The following MBNL2 variants were observed in gnomAD, a reference collection of about 807,000 sequenced individuals.
The protein encoded by MBNL2 is muscleblind-like protein 2.
Under a neutral mutation model 41.9 loss-of-function variants are expected in MBNL2, and 17 were observed. The ratio of observed to expected loss-of-function variants is 0.41; its 90% confidence interval spans 0.28 to 0.61. The LOEUF (loss-of-function observed/expected upper bound fraction) is 0.61. MBNL2 is among the 20% of genes least tolerant of loss of function. The pLI is 0.35. For missense variants in MBNL2, 336 were observed against 505.6 expected, an observed-to-expected ratio of 0.66 and a Z score of 3.22; for synonymous variants, 195 against 182.9, an observed-to-expected ratio of 1.07 and a Z score of -0.53.
At chr13:97,369,270 C>T (rs1321599687) in intron 8 of MBNL2, among the ~76,000 whole-genome samples, 3 of 152,082 alleles carry the variant, frequency 2.0e-5, no homozygotes, top group African/African-American at 4.8e-5. Context: ...ATCATACCCA[C>T]GTGGATTATG....
At chr13:97,313,441 A>C (rs750667314) in intron 2 of MBNL2, among the ~76,000 whole-genome samples, 17 of 152,198 alleles carry the variant, frequency 1.1e-4, no homozygotes, top group African/African-American at 4.1e-4. Flanking sequence ...CATCCCATCA[A>C]ATTTTTTAAA....
chr13:97,195,231 T>C, the MBNL2 span, among the ~76,000 whole-genome samples: 29 of 152,186 alleles, frequency 1.9e-4, no homozygotes, highest in African/African-American at 7.0e-4. Context: ...CTTCTGCCTG[T>C]GCCTTGTTCT....
rs766271490 is a variant in MBNL2, at chr13:97,391,490, A to G, written c.*41A>G. On this transcript the variant is annotated 3_prime_UTR_variant, in exon 9 of 9. Coordinates refer to ENST00000679496, the MANE Select transcript of MBNL2 (RefSeq NM_001382683.1). The stretch of plus-strand genomic sequence containing the variant: ...TTCTGGACAGACCACAACTCTAAGA[A>G]GCTAGTGCTGCTATCTCATATATGA... 5.9e-6 allele frequency: 5 copies of G among 850,344 alleles called. No individual in the cohort carries two copies. The highest frequency in any genetic ancestry group is 5.0e-5 in the African/African-American group (3 of 60,012). The allele number at this position is 850,344 out of a possible 1,614,324, so 52.7% of individuals were successfully genotyped here. A position where few individuals can be genotyped will look rare whatever the true frequency, so the allele number is the denominator to read the frequency against.
chr13:97,276,068 A>G lies in MBNL2; in HGVS notation c.-168A>G, dbSNP rs2052083925. 8 of 582,386 alleles carry G rather than the reference A, an allele frequency of 1.4e-5. No homozygotes were observed. Among genetic ancestry groups the G allele is most frequent in the Non-Finnish European group, 2.4e-5 (8 of 327,474 alleles). 36.1% of individuals were successfully genotyped at this position (582,386 alleles called of 1,614,324 possible). A position where few individuals can be genotyped will look rare whatever the true frequency, so the allele number is the denominator to read the frequency against. On this transcript the variant is annotated 5_prime_UTR_variant, in exon 2 of 9. Coordinates refer to ENST00000679496, the MANE Select transcript of MBNL2 (RefSeq NM_001382683.1). Reference sequence around the variant, plus strand: ...TTGATTGATGAGTGATTGCCTGTCCATACACTCTCTCATCATCCTGTTCCT... The same window carrying G: ...TTGATTGATGAGTGATTGCCTGTCCGTACACTCTCTCATCATCCTGTTCCT...
the MBNL2 span, among the ~76,000 whole-genome samples, chr13:97,162,414 T>C: frequency 0.1 from 15,504 of 152,230 alleles, 887 homozygotes; most frequent in South Asian, 0.16. Flanking sequence ...TTGGGGCTTA[T>C]ATACTTGGAT....
intron 2 of MBNL2, among the ~76,000 whole-genome samples, chr13:97,289,059 T>C (rs4771991): frequency 0.46 from 69,348 of 152,142 alleles, 19,229 homozygotes; most frequent in East Asian, 0.6. Context: ...AATGGCTAGA[T>C]TCAACTTCAG....
the MBNL2 span, among the ~76,000 whole-genome samples, chr13:97,203,374 A>G: frequency 4.1e-4 from 62 of 152,306 alleles, 1 homozygote; most frequent in African/African-American, 1.4e-3. Flanking sequence ...TCTTTATTAT[A>G]TTATATGACT....
At chr13:97,198,349 C>T in the MBNL2 span, among the ~76,000 whole-genome samples, 18 of 151,812 alleles carry the variant, frequency 1.2e-4, no homozygotes, top group South Asian at 3.8e-3. Context: ...AGCCTGTTGG[C>T]CTTCGGACTG....
Position 97,229,613 on chromosome 13 carries a change from C to T in MBNL2, c.-605+7082C>T, listed in dbSNP as rs958216312. Among the ~76,000 whole-genome samples, 16 of 151,908 alleles carry T rather than the reference C, an allele frequency of 1.1e-4. No homozygotes were observed. In the East Asian group the frequency reaches 2.3e-3, roughly 22 times the overall value. The stretch of plus-strand genomic sequence containing the variant: ...GTTTGGAGAGGCCAGTGGTCAAAAT[C>T]TCAGGAAGGAGGAATAGCATGATGT... On this transcript the variant is annotated intron_variant, in intron 1 of 8. Coordinates refer to ENST00000679496, the MANE Select transcript of MBNL2 (RefSeq NM_001382683.1).
Position 97,361,374 on chromosome 13 carries a change from T to C in MBNL2, c.1012+3739T>C, listed in dbSNP as rs182288930. Among the ~76,000 whole-genome samples the C allele has an allele frequency of 1.6e-3, 245 of 152,296 alleles. 2 individuals are homozygous for C. Among genetic ancestry groups the C allele is most frequent in the African/African-American group, 5.8e-3 (241 of 41,562 alleles). On this transcript the variant is annotated intron_variant, in intron 7 of 8. Transcript: ENST00000679496. Reference sequence around the variant, plus strand: ...AATAGAAAATTGTCCATTGTAGCTATAACATGAAGTACATACAGGGTATAT... The same window carrying C: ...AATAGAAAATTGTCCATTGTAGCTACAACATGAAGTACATACAGGGTATAT...
At chr13:97,168,962 A>C in the MBNL2 span, among the ~76,000 whole-genome samples, 2 of 152,160 alleles carry the variant, frequency 1.3e-5, no homozygotes, top group Non-Finnish European at 2.9e-5. Context: ...AGGTTACAGA[A>C]GGTGTCCCAA....
intron 1 of MBNL2, among the ~76,000 whole-genome samples, chr13:97,253,623 G>T (rs983845150): frequency 2.0e-5 from 3 of 152,102 alleles, no homozygotes; most frequent in Non-Finnish European, 4.4e-5. Context: ...AAGTTGGGAA[G>T]AATGCAGGAA....
rs766126526 is a variant in MBNL2 at position 97,276,280 on chromosome 13, A to G, written c.45A>G (p.Thr15=). Residue 15 remains threonine (T), a synonymous_variant, in exon 2 of 9, where the codon ACA becomes ACG. Coordinates refer to ENST00000679496, the MANE Select transcript of MBNL2 (RefSeq NM_001382683.1). ...VAPVRDTKWL[T]LEVCRQFQRG... is the part of the protein sequence containing the mutation. ...CAGTCAGAGATACAAAATGGCTGAC[A>G]TTAGAAGTCTGCAGACAGTTTCAAA... 6.2e-7 allele frequency: 1 copy of G among 1,614,022 alleles called. No individual in the cohort carries two copies. The highest frequency in any genetic ancestry group is 1.3e-5 in the African/African-American group (1 of 75,066).
upstream of MBNL2, among the ~76,000 whole-genome samples, chr13:97,218,270 C>A (rs1221568017): frequency 1.3e-5 from 2 of 151,712 alleles, no homozygotes; most frequent in Non-Finnish European, 2.9e-5. Flanking sequence ...ATTAGCTGGG[C>A]GTGGTGGCGG....
the MBNL2 span, among the ~76,000 whole-genome samples, chr13:97,201,264 T>G: frequency 6.6e-6 from 1 of 152,220 alleles, no homozygotes; most frequent in Non-Finnish European, 1.5e-5. Flanking sequence ...CCTGTCTGAT[T>G]CGCATTCCCG....
the MBNL2 span, among the ~76,000 whole-genome samples, chr13:97,184,124 T>C: frequency 6.6e-6 from 1 of 152,198 alleles, no homozygotes; most frequent in African/African-American, 2.4e-5. Context: ...GAAGTATCTT[T>C]CCCATAGCTT....
intron 2 of MBNL2, among the ~76,000 whole-genome samples, chr13:97,314,630 G>T (rs2058881587): frequency 6.6e-6 from 1 of 152,212 alleles, no homozygotes; most frequent in Non-Finnish European, 1.5e-5. Flanking sequence ...AAAACTGGTA[G>T]TCAATGCTGT....
intron 3 of MBNL2, among the ~76,000 whole-genome samples, chr13:97,341,116 T>C (rs2061407159): frequency 6.6e-6 from 1 of 152,158 alleles, no homozygotes; most frequent in African/African-American, 2.4e-5. Context: ...AAATTACACA[T>C]TTAGTGCAAG....
chr13:97,295,450 G>T (rs1323381520), intron 2 of MBNL2, among the ~76,000 whole-genome samples: 2 of 152,074 alleles, frequency 1.3e-5, no homozygotes, highest in Non-Finnish European at 2.9e-5. Flanking sequence ...TGGTTGCCTA[G>T]CAACCATTAT....
Sources: allele counts gnomAD v4.1 joint callset (sites outside exome capture counted in the v4.1 genomes callset), GRCh38; gene constraint gnomAD v4.1.1; transcripts MANE v1.5; gene names NCBI Gene and HGNC (gene_info 2026-07-23, HGNC 2026-07-21).